The following FAM107B variants were observed in gnomAD, a reference collection of about 807,000 sequenced individuals.
The protein encoded by FAM107B is protein FAM107B.
A neutral mutation model predicts 31.5 loss-of-function variants in FAM107B; 21 were observed. That is an observed-to-expected ratio of 0.67 (90% confidence interval 0.47 to 0.96). The LOEUF is 0.96. Ranked by LOEUF, FAM107B falls within the 40% of genes least tolerant of loss-of-function variation. The pLI is 0.00. For synonymous variants in FAM107B, 157 were observed against 141.5 expected, an observed-to-expected ratio of 1.11 and a Z score of -0.78; for missense variants, 452 against 377.1, an observed-to-expected ratio of 1.20 and a Z score of -1.64.
At chr10:14,550,185 C>A (rs748782460) in intron 2 of FAM107B, among the ~76,000 whole-genome samples, 14 of 152,182 alleles carry the variant, frequency 9.2e-5, no homozygotes, top group Non-Finnish European at 2.1e-4. Context: ...CAACAGGATG[C>A]TTTTAAGGAT....
At chr10:14,582,647 G>C (rs1306507375) in intron 2 of FAM107B, among the ~76,000 whole-genome samples, 1 of 151,718 alleles carries the variant, frequency 6.6e-6, no homozygotes, top group Non-Finnish European at 1.5e-5. Flanking sequence ...AAAGAGCTGG[G>C]ATTACAGGCG....
At chr10:14,729,738 C>T (rs997081110) in intron 1 of FAM107B, among the ~76,000 whole-genome samples, 8 of 152,168 alleles carry the variant, frequency 5.3e-5, no homozygotes, top group African/African-American at 1.7e-4. Flanking sequence ...CACATACACA[C>T]GTATGTTTAT....
chr10:14,661,287 G>A (rs914363236), intron 2 of FAM107B, among the ~76,000 whole-genome samples: 2 of 152,144 alleles, frequency 1.3e-5, no homozygotes, highest in East Asian at 1.9e-4. Flanking sequence ...AATTGACTGC[G>A]CTAAGGGGTG....
At chr10:14,625,000 G>GGGCA in intron 2 of FAM107B, among the ~76,000 whole-genome samples, 1 of 152,116 alleles carries the variant, frequency 6.6e-6, no homozygotes, top group African/African-American at 2.4e-5. Flanking sequence ...CTAGGCAGGT[G>GGGCA]GATCACTTGA....
chr10:14,663,298 T>C (rs1854298303), intron 2 of FAM107B: 1 of 152,256 alleles, frequency 6.6e-6, no homozygotes, highest in African/African-American at 2.4e-5. Context: ...CCTTCATATA[T>C]GCATCTATTC....
intron 2 of FAM107B, among the ~76,000 whole-genome samples, chr10:14,632,086 C>T (rs1257859434): frequency 2.0e-5 from 3 of 149,134 alleles, no homozygotes; most frequent in Non-Finnish European, 4.4e-5. Context: ...CACCTGAGGT[C>T]AGGAGTTCAA....
intron 1 of FAM107B, among the ~76,000 whole-genome samples, chr10:14,740,321 C>T (rs1433005026): frequency 6.6e-6 from 1 of 152,112 alleles, no homozygotes; most frequent in Non-Finnish European, 1.5e-5. Flanking sequence ...TGGAGGAACA[C>T]TAAATGCATA....
intron 2 of FAM107B, among the ~76,000 whole-genome samples, chr10:14,583,898 C>T (rs1423273315): frequency 6.6e-6 from 1 of 152,202 alleles, no homozygotes; most frequent in Non-Finnish European, 1.5e-5. Flanking sequence ...CAAAACGACA[C>T]TCTCCCCGAA....
chr10:14,644,923 T>C (rs1016277542), intron 2 of FAM107B, among the ~76,000 whole-genome samples: 13 of 152,314 alleles, frequency 8.5e-5, no homozygotes, highest in South Asian at 2.1e-4. Context: ...ACATAGCATA[T>C]CTGGTCTAGT....
intron 1 of FAM107B, chr10:14,723,854 T>C: frequency 2.6e-6 from 2 of 755,438 alleles, no homozygotes; most frequent in Non-Finnish European, 4.8e-6. Flanking sequence ...GGGTTTTCAA[T>C]GGCAACAACG....
chr10:14,525,035 C>CAAG (rs2130790186), intron 3 of FAM107B, among the ~76,000 whole-genome samples: 1 of 152,258 alleles, frequency 6.6e-6, no homozygotes, highest in African/African-American at 2.4e-5. Flanking sequence ...TTACAGCAGT[C>CAAG]AAGAAGTCAT....
intron 2 of FAM107B, among the ~76,000 whole-genome samples, chr10:14,645,743 TA>T (rs1339402008): frequency 1.4e-4 from 22 of 152,328 alleles, no homozygotes; most frequent in African/African-American, 4.8e-4. Flanking sequence ...GGATTTATTT[TA>T]TTTTTTTTAC....
intron 2 of FAM107B, among the ~76,000 whole-genome samples, chr10:14,626,488 T>C (rs896355394): frequency 6.7e-6 from 1 of 148,636 alleles, no homozygotes; most frequent in Admixed American, 7.0e-5. Flanking sequence ...ACTGTGGAAT[T>C]TGAGGCGGAT....
At chr10:14,571,935 T>G (rs530338324) in intron 2 of FAM107B, 2 of 985,282 alleles carry the variant, frequency 2.0e-6, no homozygotes, top group Non-Finnish European at 2.4e-6. Context: ...TCAGTAGATA[T>G]AGGCAGGCTC....
In FAM107B at chr10:14,685,151, T is replaced by A. The variant is rs58769818; in HGVS notation, c.412-17460A>T. Among the ~76,000 whole-genome samples, 109 of 65,734 alleles carry A rather than the reference T, an allele frequency of 1.7e-3. 1 individual carries two copies. Among genetic ancestry groups the A allele is most frequent in the East Asian group, 9.6e-3 (13 of 1,356 alleles). The allele number at this position is 65,734 out of a possible 152,430, so 43.1% of individuals were successfully genotyped here. ...CCAATAACATCCTTTTATTTTTTTTTTTTTTTTTTTTTTTTGAGACAGGTT... is the reference window on the plus strand; with the variant it reads ...CCAATAACATCCTTTTATTTTTTTTATTTTTTTTTTTTTTTGAGACAGGTT... On this transcript the variant is annotated intron_variant, in intron 1 of 4. Transcript: ENST00000181796.
chr10:14,649,989 T>C (rs1038191653), intron 2 of FAM107B, among the ~76,000 whole-genome samples: 10 of 152,194 alleles, frequency 6.6e-5, no homozygotes, highest in Non-Finnish European at 1.0e-4. Flanking sequence ...CCTTAACACA[T>C]GGTTTCATCT....
At chr10:14,544,313 T>G (rs1207629645) in intron 2 of FAM107B, among the ~76,000 whole-genome samples, 1 of 152,186 alleles carries the variant, frequency 6.6e-6, no homozygotes, top group Non-Finnish European at 1.5e-5. Flanking sequence ...ATACCAACAC[T>G]TATACATTAC....
At chr10:14,568,675 A>G (rs6602741) in intron 2 of FAM107B, among the ~76,000 whole-genome samples, 107,464 of 133,844 alleles carry the variant, frequency 0.8, 43,710 homozygotes, top group East Asian at 0.89. Flanking sequence ...CGGGTAGGAG[A>G]AGGGTGGCTG....
intron 1 of FAM107B, among the ~76,000 whole-genome samples, chr10:14,674,759 C>T (rs558291630): frequency 6.6e-6 from 1 of 152,214 alleles, no homozygotes; most frequent in South Asian, 2.1e-4. Context: ...GACAGGGTCT[C>T]GCTCTCGCTC....
Sources: allele counts gnomAD v4.1 joint callset (sites outside exome capture counted in the v4.1 genomes callset), GRCh38; gene constraint gnomAD v4.1.1; transcripts MANE v1.5; gene names NCBI Gene and HGNC (gene_info 2026-07-23, HGNC 2026-07-21).